MACROD2: variants seen among roughly 807,000 people sequenced by gnomAD.
MACROD2 encodes mono-ADP ribosylhydrolase 2, also known as ADP-ribose glycohydrolase MACROD2.
Under a neutral mutation model 70.4 loss-of-function variants are expected in MACROD2, and 36 were observed. That is an observed-to-expected ratio of 0.51 (90% confidence interval 0.39 to 0.68). MACROD2 has a LOEUF of 0.68. Among genes scored for constraint, MACROD2 ranks in the 30% least tolerant of loss-of-function variants. MACROD2 has a pLI of 0.00. For synonymous variants in MACROD2, 172 were observed against 178.8 expected, an observed-to-expected ratio of 0.96 and a Z score of 0.30; for missense variants, 496 against 538.4, an observed-to-expected ratio of 0.92 and a Z score of 0.78.
At chr20:14,147,039 G>A (rs947119724) in intron 3 of MACROD2, among the ~76,000 whole-genome samples, 8 of 152,152 alleles carry the variant, frequency 5.3e-5, no homozygotes, top group African/African-American at 1.9e-4. Context: ...CTGTAGTATG[G>A]TGAGTGGTAA....
chr20:14,062,941 G>A (rs2053707049), intron 2 of MACROD2, among the ~76,000 whole-genome samples: 1 of 151,996 alleles, frequency 6.6e-6, no homozygotes, highest in Non-Finnish European at 1.5e-5. Flanking sequence ...ACCTCTTATA[G>A]TCTGAAGCCA....
At chr20:15,768,845 C>T (rs974581184) in intron 8 of MACROD2, among the ~76,000 whole-genome samples, 5 of 151,822 alleles carry the variant, frequency 3.3e-5, no homozygotes, top group South Asian at 2.1e-4. Flanking sequence ...CAGACTTTTT[C>T]GTTAAAAACT....
intron 3 of MACROD2, among the ~76,000 whole-genome samples, chr20:14,321,499 T>C (rs1022880519): frequency 6.6e-6 from 1 of 152,216 alleles, no homozygotes; most frequent in Non-Finnish European, 1.5e-5. Context: ...AAACAAAAAG[T>C]ACGGTGTTTG....
intron 5 of MACROD2, among the ~76,000 whole-genome samples, chr20:14,880,831 A>G (rs1189037849): frequency 6.6e-6 from 1 of 152,150 alleles, no homozygotes; most frequent in Admixed American, 6.5e-5. Flanking sequence ...TCAGAACACA[A>G]ACACAACTCC....
chr20:14,103,721 T>G (rs2148680414), intron 3 of MACROD2, among the ~76,000 whole-genome samples: 1 of 152,316 alleles, frequency 6.6e-6, no homozygotes, highest in African/African-American at 2.4e-5. Flanking sequence ...ATTTGAGGAC[T>G]GCTTACTTTT....
At chr20:15,551,478 A>G (rs577030563) in intron 8 of MACROD2, among the ~76,000 whole-genome samples, 33 of 152,296 alleles carry the variant, frequency 2.2e-4, no homozygotes, top group African/African-American at 6.7e-4. Flanking sequence ...GAGAAAAAAC[A>G]TGTACTAAAA....
At chr20:15,058,541 G>A (rs1242201579) in intron 5 of MACROD2, among the ~76,000 whole-genome samples, 1 of 152,036 alleles carries the variant, frequency 6.6e-6, no homozygotes, top group African/African-American at 2.4e-5. Context: ...ATTTAACTAG[G>A]CATACTGTAT....
At chr20:15,241,731 G>T (rs1039639606) in intron 6 of MACROD2, among the ~76,000 whole-genome samples, 2 of 129,304 alleles carry the variant, frequency 1.5e-5, no homozygotes, top group East Asian at 2.4e-4. Flanking sequence ...GTTTTTCAAT[G>T]TAAAAAAATA....
At chr20:15,806,914 A>G (rs1213978114) in intron 8 of MACROD2, among the ~76,000 whole-genome samples, 2 of 152,188 alleles carry the variant, frequency 1.3e-5, no homozygotes, top group Non-Finnish European at 2.9e-5. Flanking sequence ...ATAATTTCCT[A>G]GGGTGATAGG....
chr20:14,022,111 G>C (rs767394784), intron 2 of MACROD2, among the ~76,000 whole-genome samples: 1 of 152,178 alleles, frequency 6.6e-6, no homozygotes, highest in Non-Finnish European at 1.5e-5. Flanking sequence ...TGATTTTGGC[G>C]AATAGCTAGT....
intron 3 of MACROD2, among the ~76,000 whole-genome samples, chr20:14,435,252 C>T (rs747021726): frequency 2.4e-4 from 36 of 152,128 alleles, no homozygotes; most frequent in Admixed American, 1.2e-3. Flanking sequence ...TCTCTGTCTG[C>T]GTGTGTCACT....
At chr20:15,091,368 A>G (rs1323314197) in intron 5 of MACROD2, among the ~76,000 whole-genome samples, 1 of 152,164 alleles carries the variant, frequency 6.6e-6, no homozygotes, top group African/African-American at 2.4e-5. Context: ...AAAAAATGAA[A>G]AATAAAAGTT....
At chr20:15,941,748 T>C (rs1367447499) in intron 12 of MACROD2, among the ~76,000 whole-genome samples, 1 of 152,222 alleles carries the variant, frequency 6.6e-6, no homozygotes, top group Non-Finnish European at 1.5e-5. Context: ...CCTTGCTCTC[T>C]TGAGTTCGTT....
chr20:14,647,371 T>C lies in MACROD2; in HGVS notation c.302-37472T>C, dbSNP rs368702086. Among the ~76,000 whole-genome samples, 62 of 152,292 alleles carry C rather than the reference T, an allele frequency of 4.1e-4. 1 individual carries two copies. In the East Asian group the frequency reaches 7.1e-3, roughly 18 times the overall value. On this transcript the variant is annotated intron_variant, in intron 4 of 17. Coordinates refer to ENST00000684519, the MANE Select transcript of MACROD2 (RefSeq NM_001351661.2). The stretch of plus-strand genomic sequence containing the variant: ...TGGCAGAGGCAGAAATCTCAGATGA[T>C]TGTTTTTGGGTACACATGTAAAAAT...
chr20:14,012,717 AT>A (rs1478822244), intron 2 of MACROD2, among the ~76,000 whole-genome samples: 1 of 152,242 alleles, frequency 6.6e-6, no homozygotes, highest in African/African-American at 2.4e-5. Flanking sequence ...ATGATAAAAA[AT>A]ATGTGACAAC....
chr20:15,218,844 C>T (rs2076833020), intron 5 of MACROD2, among the ~76,000 whole-genome samples: 1 of 149,080 alleles, frequency 6.7e-6, no homozygotes, highest in African/African-American at 2.5e-5. Flanking sequence ...AGGAGATCAA[C>T]ACCATCCTGG....
chr20:15,251,229 A>C (rs577765712), intron 6 of MACROD2, among the ~76,000 whole-genome samples: 1 of 152,344 alleles, frequency 6.6e-6, no homozygotes, highest in East Asian at 1.9e-4. Context: ...TTTCACTTCA[A>C]AATGGATTCC....
At chr20:14,843,163 C>CTTTTTTT (rs11389584) in intron 5 of MACROD2, among the ~76,000 whole-genome samples, 1 of 119,240 alleles carries the variant, frequency 8.4e-6, no homozygotes, top group African/African-American at 3.2e-5. Flanking sequence ...TGTTCATTAA[C>CTTTTTTT]TTTTTTTTTT....
At chr20:15,371,936 AAAAT>A (rs1315214788) in intron 6 of MACROD2, among the ~76,000 whole-genome samples, 1 of 152,194 alleles carries the variant, frequency 6.6e-6, no homozygotes, top group East Asian at 1.9e-4. Flanking sequence ...TCCTGCCATT[AAAAT>A]ACATGTTGTG....
Sources: allele counts gnomAD v4.1 joint callset (sites outside exome capture counted in the v4.1 genomes callset), GRCh38; gene constraint gnomAD v4.1.1; transcripts MANE v1.5; gene names NCBI Gene and HGNC (gene_info 2026-07-23, HGNC 2026-07-21).